The following ECHDC2 variants were observed in gnomAD, a reference collection of about 807,000 sequenced individuals.
The protein encoded by ECHDC2 is enoyl-CoA hydratase domain containing 2.
A neutral mutation model predicts 40.6 loss-of-function variants in ECHDC2; 34 were observed. The ratio of observed to expected loss-of-function variants is 0.84; its 90% CI spans 0.64 to 1.11. The LOEUF (loss-of-function observed/expected upper bound fraction) is 1.11. Ranked by LOEUF, ECHDC2 falls within the 50% of genes most tolerant of loss-of-function variation. The pLI is 0.00. For synonymous variants in ECHDC2, 162 were observed against 166.6 expected, an observed-to-expected ratio of 0.97 and a Z score of 0.21; for missense variants, 392 against 400.7, an observed-to-expected ratio of 0.98 and a Z score of 0.19.
At chr1:52,921,475 C>A (rs1651880192) in intron 1 of ECHDC2, 78 bp downstream of exon 1, 1 of 1,506,216 alleles carries the variant, frequency 6.6e-7, no homozygotes, top group Non-Finnish European at 8.8e-7. Context: ...ACGCACTGAG[C>A]GGCCCACCTG....
chr1:52,909,560 A>G (rs1461536309), intron 3 of ECHDC2, among the ~76,000 whole-genome samples: 2 of 151,244 alleles, frequency 1.3e-5, no homozygotes, highest in African/African-American at 2.4e-5. Context: ...AAAAAATCTT[A>G]TAATGTCTTA....
intron 4 of ECHDC2, 37 bp downstream of exon 4, chr1:52,907,831 C>T (rs1292248919): frequency 1.9e-6 from 3 of 1,576,246 alleles, no homozygotes; most frequent in South Asian, 2.3e-5. Context: ...GCAGGGACCC[C>T]CAAACCCCCT....
In ECHDC2 at chr1:52,921,624, C is replaced by A; in HGVS notation, c.50G>T (p.Arg17Leu). 1 of 1,596,294 alleles carries A rather than the reference C, an allele frequency of 6.3e-7. No homozygotes were observed. Among genetic ancestry groups the A allele is most frequent in the Non-Finnish European group, 8.5e-7 (1 of 1,172,234 alleles). ...LLRPWRPLRA[R>L]GCASDGAAGG... The stretch of plus-strand genomic sequence containing the variant: ...GGCCGCCCCGTCGGAAGCGCAGCCG[C>A]GGGCCCGAAGGGGCCTCCAGGGGCG... The change falls in exon 1 of 10, where the codon CGC (arginine) becomes CTC (leucine). Residue 17 changes from arginine to leucine, a missense_variant. Arg to Leu is a moderately radical substitution (Grantham distance 102, BLOSUM62 -2). Coordinates refer to ENST00000371522, the MANE Select transcript of ECHDC2 (RefSeq NM_001198961.2).
chr1:52,905,126 C>G (rs550992137), intron 5 of ECHDC2, 36 bp from the exon 6 acceptor site: 16 of 1,610,682 alleles, frequency 9.9e-6, no homozygotes, highest in Admixed American at 1.7e-5. Flanking sequence ...CTCCCTCCCC[C>G]ATCCGGTCCC....
At chr1:52,920,563 C>T in intron 1 of ECHDC2, 2 of 1,364,214 alleles carry the variant, frequency 1.5e-6, no homozygotes, top group South Asian at 2.4e-5. Flanking sequence ...GGGCCCTTGG[C>T]CACAAGTGGA....
chr1:52,896,506 G>C lies in ECHDC2; in HGVS notation c.*14C>G. ...CAGGGCATGCATCTCCCATGCTGAA[G>C]GTTAAAATGGGGGTCATTTGCCAAC... On this transcript the variant is annotated 3_prime_UTR_variant, in exon 10 of 10. Transcript: ENST00000371522. 2 of 1,610,042 alleles carry C rather than the reference G, an allele frequency of 1.2e-6. No homozygotes were observed. Among genetic ancestry groups the C allele is most frequent in the South Asian group, 2.2e-5 (2 of 90,996 alleles).
In ECHDC2 at chr1:52,914,966, G is replaced by A. The variant is rs1210223668; in HGVS notation, c.122-3176C>T. The stretch of plus-strand genomic sequence containing the variant: ...ATCTTTCTTACCCCAATCCGACCAC[G>A]TCCCTCCCCTTCCCCCTTCTTTTCC... On this transcript the variant is annotated intron_variant, in intron 1 of 9. Coordinates refer to ENST00000371522, the MANE Select transcript of ECHDC2 (RefSeq NM_001198961.2). The surrounding 1 kb of genome is among the most constrained non-coding windows in gnomAD (Gnocchi z 4.0). Among the ~76,000 whole-genome samples, 5 of 151,786 alleles carry A rather than the reference G, an allele frequency of 3.3e-5. No individual in the cohort carries two copies. The highest frequency in any genetic ancestry group is 1.5e-5 in the Non-Finnish European group (1 of 67,972).
chr1:52,918,049 G>A (rs919502346), intron 1 of ECHDC2, among the ~76,000 whole-genome samples: 1 of 152,024 alleles, frequency 6.6e-6, no homozygotes, highest in South Asian at 2.1e-4. Flanking sequence ...GCTCACTCAT[G>A]GGTTAAACAC....
chr1:52,915,584 A>G (rs1650502810), intron 1 of ECHDC2, among the ~76,000 whole-genome samples: 1 of 152,176 alleles, frequency 6.6e-6, no homozygotes, highest in South Asian at 2.1e-4. Context: ...AAAATGGGGC[A>G]ACTCTGGAGA....
At chr1:52,896,625 T>G in intron 9 of ECHDC2, 28 bp from the exon 10 acceptor site, 1 of 1,598,244 alleles carries the variant, frequency 6.3e-7, no homozygotes, top group Non-Finnish European at 8.6e-7. Context: ...ATATTAGTTT[T>G]GGGGGAGCAG....
chr1:52,919,816 C>T (rs1430205956), intron 1 of ECHDC2, among the ~76,000 whole-genome samples: 4 of 152,268 alleles, frequency 2.6e-5, no homozygotes, highest in African/African-American at 9.6e-5. Flanking sequence ...GTTTCTGTCT[C>T]TCCTTCTCTC....
chr1:52,913,209 G>A (rs1649952743), intron 1 of ECHDC2: 1 of 152,180 alleles, frequency 6.6e-6, no homozygotes, highest in African/African-American at 2.4e-5. Flanking sequence ...CACGGGGACA[G>A]ATCAATATGC....
chr1:52,920,546 G>A, intron 1 of ECHDC2: 3 of 1,472,354 alleles, frequency 2.0e-6, no homozygotes, highest in South Asian at 2.3e-5. Context: ...GGAAGGCCAC[G>A]GGGAAGGGGC....
At chr1:52,909,726 T>A (rs1648932127) in intron 3 of ECHDC2, among the ~76,000 whole-genome samples, 1 of 152,240 alleles carries the variant, frequency 6.6e-6, no homozygotes, top group Non-Finnish European at 1.5e-5. Flanking sequence ...TAAACTGTTG[T>A]ACTGTGTTGT....
chr1:52,897,929 CA>C (rs953785838), intron 8 of ECHDC2: 6 of 249,076 alleles, frequency 2.4e-5, no homozygotes, highest in African/African-American at 1.3e-4. Flanking sequence ...AATAATTTGT[CA>C]AAGTTCACAA....
At position 52,921,583 on chromosome 1, in the gene ECHDC2, G is replaced by A; in HGVS notation, c.91C>T (p.Gln31Ter). 1 of 1,608,914 alleles carries A rather than the reference G, an allele frequency of 6.2e-7. No homozygotes were observed. The part of the protein sequence containing the change: ...SDGAAGGSEI[Q>*]VRALAGPDQG... ...TCCGGACCCGCCAGGGCGCGCACTT[G>A]GATCTCTGAGCCCCCGGCCGCCCCG... The change falls in exon 1 of 10, where the codon CAA (glutamine) becomes TAA (stop). Residue 31 changes from glutamine (Q) to a stop codon, truncating the protein, a stop_gained. Coordinates refer to ENST00000371522, the MANE Select transcript of ECHDC2 (RefSeq NM_001198961.2). LOFTEE classifies it high-confidence loss of function.
At chr1:52,915,036 C>CA (rs1650371174) in intron 1 of ECHDC2, 27 of 346,586 alleles carry the variant, frequency 7.8e-5, no homozygotes, top group Middle Eastern at 1.1e-3. Flanking sequence ...AAGGCCCCCC[C>CA]AATCTGACTC....
Position 52,896,892 on chromosome 1 carries a change from CAGT to C in ECHDC2, c.802-298_802-296del, listed in dbSNP as rs1167178528. On this transcript the variant is annotated intron_variant, in intron 9 of 9. Transcript: ENST00000371522. ...TGCAGTGGTCTGACATGAGGCTGCT[CAGT>C]AGAGAAAAAAATTCTTTGCAGTAAG... is the stretch of plus-strand genomic sequence containing the variant. The C allele has an allele frequency of 1.6e-5, 6 of 366,230 alleles. No individual in the cohort carries two copies. In the Admixed American group the frequency reaches 2.4e-4, roughly 15 times the overall value. The allele number at this position is 366,230 out of a possible 1,614,324, so 22.7% of individuals were successfully genotyped here.
chr1:52,921,375 G>A (rs1651848827), intron 1 of ECHDC2, 178 bp downstream of exon 1: 1 of 1,380,338 alleles, frequency 7.2e-7, no homozygotes, highest in Non-Finnish European at 9.4e-7. Flanking sequence ...CTAGAGTCTG[G>A]AGCCACTAAG....
Sources: gnomAD v4.1 joint callset for allele counts (sites outside exome capture counted in the v4.1 genomes callset) on GRCh38, gnomAD v4.1.1 for gene constraint, Gnocchi (gnomAD v3.1) non-coding constraint, MANE v1.5 for transcripts, NCBI Gene and HGNC (gene_info 2026-07-23, HGNC 2026-07-21) for gene names.